The following NRG2 variants were observed in gnomAD, a reference collection of about 807,000 sequenced individuals.
NRG2 encodes the protein neuregulin 2.
A neutral mutation model predicts 73.9 loss-of-function variants in NRG2; 27 were observed. The ratio of observed to expected loss-of-function variants is 0.37; its 90% CI spans 0.27 to 0.50. NRG2 has a LOEUF of 0.50. Ranked by LOEUF, NRG2 falls within the 20% of genes least tolerant of loss-of-function variation. NRG2 has a pLI of 0.96. For missense variants in NRG2, 1,126 were observed against 1,210.1 expected (o/e 0.93, Z 1.03); for synonymous variants, 532 against 541.0 (o/e 0.98, Z 0.23).
intron 1 of NRG2, among the ~76,000 whole-genome samples, chr5:140,034,578 T>C (rs1007772510): frequency 7.2e-5 from 11 of 152,018 alleles, no homozygotes; most frequent in Admixed American, 7.2e-4. Flanking sequence ...ATTATGTACA[T>C]AGAAAATCCC....
intron 1 of NRG2, among the ~76,000 whole-genome samples, chr5:139,898,239 C>T (rs1764670912): frequency 6.6e-6 from 1 of 152,212 alleles, no homozygotes; most frequent in Non-Finnish European, 1.5e-5. Context: ...AAGTGAACAG[C>T]AGGTTCACAG....
intron 1 of NRG2, among the ~76,000 whole-genome samples, chr5:139,932,410 ATT>A (rs572672788): frequency 0.022 from 3,168 of 146,558 alleles, 104 homozygotes; most frequent in African/African-American, 0.074. Context: ...TTATTAGTAG[ATT>A]TTTTTTTTTA....
At chr5:139,858,859 T>C (rs915091126) in intron 5 of NRG2, among the ~76,000 whole-genome samples, 1 of 152,164 alleles carries the variant, frequency 6.6e-6, no homozygotes, top group African/African-American at 2.4e-5. Flanking sequence ...TCACAGCCAG[T>C]AGCTATAGAC....
At chr5:139,943,590 C>T (rs577956636) in intron 1 of NRG2, among the ~76,000 whole-genome samples, 2 of 152,158 alleles carry the variant, frequency 1.3e-5, no homozygotes, top group Non-Finnish European at 2.9e-5. Context: ...ATATATTATG[C>T]TCTTTTAGCA....
In NRG2 at chr5:140,008,056, CTCTCTAGTGTCAT is replaced by C. The variant is rs941310084; in HGVS notation, c.700+34301_700+34313del. ...CCAGTCCTATAGTAGGAAGCTGTCA[CTCTCTAGTGTCAT>C]TTCACATGAGAACAGATGTGGGGAG... On this transcript the variant is annotated intron_variant, in intron 1 of 9. Transcript: ENST00000361474. This position sits in a 1 kb window ranked among gnomAD's most constrained non-coding sequence, Gnocchi z 4.2. Among the ~76,000 whole-genome samples the C allele has an allele frequency of 6.6e-6, 1 of 152,250 alleles. No homozygotes were observed. Among genetic ancestry groups the C allele is most frequent in the African/African-American group, 2.4e-5 (1 of 41,468 alleles).
At chr5:139,989,071 CA>C (rs1023198459) in intron 1 of NRG2, among the ~76,000 whole-genome samples, 2 of 151,852 alleles carry the variant, frequency 1.3e-5, no homozygotes, top group Non-Finnish European at 2.9e-5. Flanking sequence ...TTTACTGGAG[CA>C]AAAAATATTG....
At chr5:139,910,887 T>C (rs1561674033) in intron 1 of NRG2, among the ~76,000 whole-genome samples, 1 of 151,856 alleles carries the variant, frequency 6.6e-6, no homozygotes, top group Non-Finnish European at 1.5e-5. Context: ...CAGACCCTCT[T>C]TGGAGAGAGC....
At chr5:139,987,335 T>C (rs1342851325) in intron 1 of NRG2, among the ~76,000 whole-genome samples, 1 of 122,312 alleles carries the variant, frequency 8.2e-6, no homozygotes, top group African/African-American at 3.2e-5. Context: ...GCCACTGCGC[T>C]CCAGCCTGGG....
At chr5:140,041,985 G>A (rs541370648) in intron 1 of NRG2, among the ~76,000 whole-genome samples, 1 of 152,080 alleles carries the variant, frequency 6.6e-6, no homozygotes, top group Non-Finnish European at 1.5e-5. Flanking sequence ...CGGCAGCAGG[G>A]CAGGCAAGGC....
At chr5:139,941,227 G>T (rs571408672) in intron 1 of NRG2, among the ~76,000 whole-genome samples, 2 of 152,216 alleles carry the variant, frequency 1.3e-5, no homozygotes, top group South Asian at 4.1e-4. Flanking sequence ...GACTTCATGG[G>T]CCAAAAGGCA....
chr5:139,887,558 G>C lies in NRG2; in HGVS notation c.701-47C>G. 6.3e-7 allele frequency: 1 copy of C among 1,580,562 alleles called. No homozygotes were observed. Among genetic ancestry groups the C allele is most frequent in the Non-Finnish European group, 8.7e-7 (1 of 1,153,840 alleles). ...GGTGAGCACGGTGGTGGTAGGGGCA[G>C]TGCCAAGCATGAGTAGTGGAGAGTA... On this transcript the variant is annotated intron_variant, in intron 1 of 9. Transcript: ENST00000361474. This position sits in a 1 kb window ranked among gnomAD's most constrained non-coding sequence, Gnocchi z 4.5.
At position 139,848,822 on chromosome 5, in the gene NRG2, C is replaced by T. The variant is rs917403653; in HGVS notation, c.1773-125G>A. On this transcript the variant is annotated intron_variant, in intron 9 of 9. Transcript: ENST00000361474. Reference sequence around the variant, plus strand: ...TGCCTTAACCTTGCCCGAGACCCCGCCTGCAAGAATGACGGCAGCAACCCT... The same window carrying T: ...TGCCTTAACCTTGCCCGAGACCCCGTCTGCAAGAATGACGGCAGCAACCCT... 1.7e-5 allele frequency: 15 copies of T among 868,268 alleles called. No homozygotes were observed. In the Middle Eastern group the frequency reaches 1.1e-3, roughly 62 times the overall value. 53.8% of individuals were successfully genotyped at this position (868,268 alleles called of 1,614,324 possible).
intron 1 of NRG2, among the ~76,000 whole-genome samples, chr5:139,956,358 C>T (rs1426093117): frequency 1.3e-5 from 2 of 150,552 alleles, no homozygotes; most frequent in African/African-American, 2.4e-5. Context: ...ACAGTAATCT[C>T]CCCCCTCTCT....
At chr5:139,931,731 G>A (rs1419266734) in intron 1 of NRG2, among the ~76,000 whole-genome samples, 1 of 152,184 alleles carries the variant, frequency 6.6e-6, no homozygotes, top group African/African-American at 2.4e-5. Context: ...GAGCTAAGGT[G>A]TACAAATTAA....
chr5:139,855,713 C>A lies in NRG2; in HGVS notation c.1255G>T (p.Val419Leu), dbSNP rs148224262. The change falls in exon 6 of 10, where the codon GTG becomes TTG. Residue 419 changes from valine (V) to leucine (L), a missense_variant. Physicochemically the swap from Val to Leu is conservative, Grantham distance 32. Around this residue, in one of 3 missense-constraint regions of NRG2, gnomAD observed 539 missense variants for 703.2 expected, o/e 0.77. Coordinates refer to ENST00000361474, the MANE Select transcript of NRG2 (RefSeq NM_004883.3). Reference sequence around the variant, plus strand: ...TAGGCCACCACACAGACGATGCCCACGACCAGCAGAGCCACGCAGATGCCC... The same window carrying A: ...TAGGCCACCACACAGACGATGCCCAAGACCAGCAGAGCCACGCAGATGCCC... ...ITGICVALLVVGIVCVVAYCK... is the reference protein window; with the variant it reads ...ITGICVALLVLGIVCVVAYCK... 1.2e-4 allele frequency: 186 copies of A among 1,613,964 alleles called. No individual in the cohort carries two copies. Among genetic ancestry groups the A allele is most frequent in the Non-Finnish European group, 1.5e-4 (173 of 1,179,990 alleles).
intron 1 of NRG2, among the ~76,000 whole-genome samples, chr5:139,965,065 G>C (rs1755389090): frequency 6.6e-6 from 1 of 152,208 alleles, no homozygotes; most frequent in African/African-American, 2.4e-5. Flanking sequence ...CATCAGCACT[G>C]CCCCAGGGCA....
At chr5:139,885,538 T>C (rs1363567273) in intron 2 of NRG2, among the ~76,000 whole-genome samples, 3 of 151,904 alleles carry the variant, frequency 2.0e-5, no homozygotes, top group Non-Finnish European at 2.9e-5. Context: ...TGACTTCATA[T>C]GGTGGTGGAG....
At chr5:139,857,487 C>T (rs1226106030) in intron 5 of NRG2, among the ~76,000 whole-genome samples, 1 of 151,218 alleles carries the variant, frequency 6.6e-6, no homozygotes, top group Non-Finnish European at 1.5e-5. Flanking sequence ...GTTGAGTTTA[C>T]CAGTCCAGGG....
In NRG2 at chr5:140,042,405, T is replaced by C. The variant is rs1210804353; in HGVS notation, c.665A>G (p.Lys222Arg). ...GCACAGGATCTTGCCCACCTCTTTC[T>C]TGAGATTTTTGCCGTTGGTATCGAG... is the stretch of plus-strand genomic sequence containing the variant. ...APLDTNGKNL[K>R]KEVGKILCTD... Residue 222 changes from lysine (K) to arginine (R), a missense_variant, in exon 1 of 10, where the codon AAG (lysine) becomes AGG (arginine). Around this residue, in one of 3 missense-constraint regions of NRG2, gnomAD observed 539 missense variants for 703.2 expected, o/e 0.77. Coordinates refer to ENST00000361474, the MANE Select transcript of NRG2 (RefSeq NM_004883.3). 6.3e-7 allele frequency: 1 copy of C among 1,598,222 alleles called. No homozygotes were observed.
Sources: allele counts gnomAD v4.1 joint callset (sites outside exome capture counted in the v4.1 genomes callset), GRCh38; gene constraint gnomAD v4.1.1; regional missense constraint gnomAD v4.1.1; non-coding constraint Gnocchi (gnomAD v3.1); transcripts MANE v1.5; gene names NCBI Gene and HGNC (gene_info 2026-07-23, HGNC 2026-07-21).